Variants in NRXN3 observed in about 807,000 individuals in gnomAD.
The protein encoded by NRXN3 is neurexin III.
In NRXN3, 32 loss-of-function variants were observed where a neutral mutation model predicts 137.6. The ratio of observed to expected loss-of-function variants is 0.23; its 90% CI spans 0.18 to 0.31. The LOEUF (loss-of-function observed/expected upper bound fraction) is 0.31, where lower values mean the gene tolerates loss of function less well. Among genes scored for constraint, NRXN3 ranks in the 10% least tolerant of loss-of-function variants. The pLI is 1.00. For synonymous variants in NRXN3, 798 were observed against 784.5 expected, an observed-to-expected ratio of 1.02 and a Z score of -0.29; for missense variants, 1,574 against 2,062.5, an observed-to-expected ratio of 0.76 and a Z score of 4.59.
At chr14:79,352,963 G>A (rs1337792913) in intron 15 of NRXN3, among the ~76,000 whole-genome samples, 1 of 152,042 alleles carries the variant, frequency 6.6e-6, no homozygotes, top group Non-Finnish European at 1.5e-5. Context: ...ATTAAACTTG[G>A]TTTTGTCACC....
At chr14:79,730,625 C>G (rs932893651) in intron 19 of NRXN3, among the ~76,000 whole-genome samples, 3 of 152,090 alleles carry the variant, frequency 2.0e-5, no homozygotes. Flanking sequence ...ATCTCTGTAG[C>G]CTGTTATAAT....
chr14:78,407,786 C>T (rs777977004), intron 4 of NRXN3, among the ~76,000 whole-genome samples: 7 of 152,138 alleles, frequency 4.6e-5, no homozygotes, highest in Non-Finnish European at 8.8e-5. Flanking sequence ...TCAACGAAGT[C>T]GTATTGATTT....
Position 79,666,947 on chromosome 14 carries a change from T to C in NRXN3, c.3616+2998T>C, listed in dbSNP as rs547540500. Among the ~76,000 whole-genome samples, 116 of 152,160 alleles carry C rather than the reference T, an allele frequency of 7.6e-4. 1 individual carries two copies. Among genetic ancestry groups the C allele is most frequent in the African/African-American group, 2.6e-3 (110 of 41,542 alleles). ...TCAATTAAAAAGTTGTTGTGTGATA[T>C]ACTAGATCGAGGTTTATGTTCCACT... On this transcript the variant is annotated intron_variant, in intron 17 of 20. Transcript: ENST00000335750.
intron 15 of NRXN3, 98 bp from the exon 16 acceptor site, chr14:79,467,123 C>T: frequency 8.4e-7 from 1 of 1,191,728 alleles, no homozygotes; most frequent in Non-Finnish European, 1.1e-6. Flanking sequence ...GGGACATTTC[C>T]TCTCTGCAGC....
intron 15 of NRXN3, among the ~76,000 whole-genome samples, chr14:79,209,132 G>T (rs1423710278): frequency 6.6e-6 from 1 of 152,066 alleles, no homozygotes; most frequent in East Asian, 1.9e-4. Context: ...TAGAGATGGG[G>T]TTTCACCATG....
At chr14:79,742,365 A>G (rs76378285) in intron 19 of NRXN3, among the ~76,000 whole-genome samples, 5,158 of 152,226 alleles carry the variant, frequency 0.034, 287 homozygotes, top group African/African-American at 0.12. Flanking sequence ...ATAATTTACC[A>G]TAATGATAAT....
At chr14:78,757,883 A>T (rs1397390651) in intron 8 of NRXN3, among the ~76,000 whole-genome samples, 1 of 152,214 alleles carries the variant, frequency 6.6e-6, no homozygotes, top group East Asian at 1.9e-4. Context: ...TTAGATTTGT[A>T]ACTTTTCTAT....
chr14:78,440,511 C>T (rs1192558953), intron 4 of NRXN3, among the ~76,000 whole-genome samples: 2 of 151,978 alleles, frequency 1.3e-5, no homozygotes, highest in Non-Finnish European at 2.9e-5. Flanking sequence ...CTCTTGGGCA[C>T]GGAGTTTATC....
chr14:78,782,180 C>T (rs1368673579), intron 8 of NRXN3, among the ~76,000 whole-genome samples: 1 of 152,230 alleles, frequency 6.6e-6, no homozygotes, highest in African/African-American at 2.4e-5. Flanking sequence ...CAGTTTTCTC[C>T]ATTTTCAAAT....
At chr14:78,592,992 C>T (rs1406704053) in intron 4 of NRXN3, among the ~76,000 whole-genome samples, 1 of 152,112 alleles carries the variant, frequency 6.6e-6, no homozygotes, top group Non-Finnish European at 1.5e-5. Context: ...CGACCTTGCT[C>T]CTCATTTGTG....
At chr14:78,388,338 T>C (rs940481097) in intron 4 of NRXN3, among the ~76,000 whole-genome samples, 7 of 152,168 alleles carry the variant, frequency 4.6e-5, no homozygotes, top group African/African-American at 1.7e-4. Context: ...TAGTGAGCCA[T>C]TGTCTTAGTC....
At chr14:79,711,924 T>C (rs2098805798) in intron 19 of NRXN3, among the ~76,000 whole-genome samples, 1 of 152,172 alleles carries the variant, frequency 6.6e-6, no homozygotes, top group Non-Finnish European at 1.5e-5. Context: ...GCCTTTTAGC[T>C]AGAGAGTTTC....
chr14:78,376,262 G>A (rs979661607), intron 4 of NRXN3, among the ~76,000 whole-genome samples: 18 of 152,198 alleles, frequency 1.2e-4, no homozygotes, highest in Admixed American at 1.2e-3. Flanking sequence ...AAGGATCATG[G>A]TTCCCACTGT....
chr14:79,781,790 G>T (rs1023378093), intron 19 of NRXN3, among the ~76,000 whole-genome samples: 1 of 152,156 alleles, frequency 6.6e-6, no homozygotes, highest in African/African-American at 2.4e-5. Context: ...TTGTATTGCT[G>T]ATAGCAAAGG....
chr14:79,420,853 G>A (rs1225123075), intron 15 of NRXN3, among the ~76,000 whole-genome samples: 3 of 151,052 alleles, frequency 2.0e-5, no homozygotes, highest in African/African-American at 7.4e-5. Flanking sequence ...GGGAGTGGTA[G>A]TAGAACTAAT....
intron 15 of NRXN3, among the ~76,000 whole-genome samples, chr14:79,180,039 T>C (rs762412579): frequency 1.3e-5 from 2 of 152,190 alleles, no homozygotes; most frequent in Non-Finnish European, 2.9e-5. Context: ...TCTAGTAAAA[T>C]GTATAGGTTG....
At chr14:79,389,238 T>C (rs4899742) in intron 15 of NRXN3, among the ~76,000 whole-genome samples, 47,282 of 152,110 alleles carry the variant, frequency 0.31, 7,686 homozygotes, top group Admixed American at 0.39. Context: ...CTTATAGTTC[T>C]AGAGGCTGAG....
At chr14:79,097,237 A>G (rs892032255) in intron 15 of NRXN3, among the ~76,000 whole-genome samples, 4 of 152,168 alleles carry the variant, frequency 2.6e-5, no homozygotes, top group African/African-American at 9.7e-5. Flanking sequence ...CAGAAGAAAC[A>G]GGAGGAGAAA....
chr14:79,420,711 G>C (rs1401694468), intron 15 of NRXN3, among the ~76,000 whole-genome samples: 2 of 152,126 alleles, frequency 1.3e-5, no homozygotes, highest in African/African-American at 4.8e-5. Context: ...ACATTCATGA[G>C]GTTTTCTCAA....
Sources: gnomAD v4.1 joint callset for allele counts (sites outside exome capture counted in the v4.1 genomes callset) on GRCh38, gnomAD v4.1.1 for gene constraint, MANE v1.5 for transcripts, NCBI Gene and HGNC (gene_info 2026-07-23, HGNC 2026-07-21) for gene names.